Variants in SKI observed in about 807,000 individuals in gnomAD.
The protein encoded by SKI is SKI proto-oncogene, also known as ski oncogene.
In SKI, 23 loss-of-function variants were observed where a neutral mutation model predicts 59.3. The observed-to-expected ratio is 0.39, with a 90% CI of 0.28 to 0.55. The LOEUF (loss-of-function observed/expected upper bound fraction) is 0.55, where lower values mean the gene tolerates loss of function less well. Ranked by LOEUF, SKI falls within the 20% of genes least tolerant of loss-of-function variation. The probability of loss-of-function intolerance (pLI) is 0.67; values close to 1 mark genes in which losing one functional copy is unlikely to be tolerated. For missense variants in SKI, 1,017 were observed against 1,038.9 expected (o/e 0.98, Z 0.29); for synonymous variants, 673 against 488.6 (o/e 1.38, Z -4.98).
intron 1 of SKI, among the ~76,000 whole-genome samples, chr1:2,238,119 C>G (rs1046510687): frequency 6.6e-6 from 1 of 152,198 alleles, no homozygotes; most frequent in Non-Finnish European, 1.5e-5. Flanking sequence ...TTGGCTCCCT[C>G]CCTCACCAGC....
rs1640649398 is a variant in SKI at position 2,308,226 on chromosome 1, C to T, written c.*1461C>T. The T allele has an allele frequency of 6.6e-6, 1 of 152,202 alleles. No homozygotes were observed. Among genetic ancestry groups the T allele is most frequent in the Non-Finnish European group, 1.5e-5 (1 of 68,034 alleles). The allele number at this position is 152,202 out of a possible 1,614,324, so 9.4% of individuals were successfully genotyped here. ...CACCCGCGGCAGCTGCACGCGCTCA[C>T]AGAAGGTGGAGGTTACTTGCCCAGG... On this transcript the variant is annotated 3_prime_UTR_variant, in exon 7 of 7. Transcript: ENST00000378536.
At chr1:2,297,896 C>T (rs910817940) in intron 1 of SKI, among the ~76,000 whole-genome samples, 3 of 152,242 alleles carry the variant, frequency 2.0e-5, no homozygotes, top group African/African-American at 7.2e-5. Flanking sequence ...TGGCTGCAGC[C>T]TGGCAGGAGA....
Position 2,229,565 on chromosome 1 carries a change from C to T in SKI, c.799C>T (p.Leu267=), listed in dbSNP as rs140178396. The T allele has an allele frequency of 3.0e-4, 487 of 1,611,422 alleles. No homozygotes were observed. Among genetic ancestry groups the T allele is most frequent in the Non-Finnish European group, 4.0e-4 (472 of 1,179,956 alleles). The part of the protein sequence containing the change: ...HKFVVHSHKA[L]ENRTCHWGFD... ...GTTCGTGGTGCACTCGCACAAGGCC[C>T]TGGAGAACCGGACCTGCCACTGGGG... Residue 267 remains leucine, a synonymous_variant, in exon 1 of 7, where the codon CTG becomes TTG. Transcript: ENST00000378536. The surrounding 1 kb of genome is among the most constrained non-coding windows in gnomAD (Gnocchi z 6.3).
chr1:2,293,981 C>T (rs1640228043), intron 1 of SKI, among the ~76,000 whole-genome samples: 2 of 152,244 alleles, frequency 1.3e-5, no homozygotes, highest in South Asian at 4.1e-4. Flanking sequence ...TTTCATTCTC[C>T]TTTCATCTGT....
intron 1 of SKI, among the ~76,000 whole-genome samples, chr1:2,276,981 ACAG>A (rs1372647474): frequency 6.6e-6 from 1 of 152,110 alleles, no homozygotes; most frequent in African/African-American, 2.4e-5. Flanking sequence ...AGATTCCGAC[ACAG>A]CAGGGCCCTC....
intron 1 of SKI, among the ~76,000 whole-genome samples, chr1:2,294,700 T>C (rs1056808315): frequency 6.6e-6 from 1 of 152,216 alleles, no homozygotes; most frequent in South Asian, 2.1e-4. Context: ...GGGAGGCCTC[T>C]GGGGGCCTGG....
chr1:2,238,636 G>A (rs750426760), intron 1 of SKI, among the ~76,000 whole-genome samples: 1 of 152,338 alleles, frequency 6.6e-6, no homozygotes, highest in South Asian at 2.1e-4. Context: ...AGGCGGGAGA[G>A]GAGCACACTG....
Position 2,229,077 on chromosome 1 carries a change from T to C in SKI, c.311T>C (p.Val104Ala), listed in dbSNP as rs886039149. 2 of 1,608,298 alleles carry C rather than the reference T, an allele frequency of 1.2e-6. No homozygotes were observed. Among genetic ancestry groups the C allele is most frequent in the Non-Finnish European group, 1.7e-6 (2 of 1,179,784 alleles). ...CGCTCCACCGAGCGCTGCGAGACCGTACTGGAAGGCGAGACCATCTCGTGC... is the reference window on the plus strand; with the variant it reads ...CGCTCCACCGAGCGCTGCGAGACCGCACTGGAAGGCGAGACCATCTCGTGC... ...SDRSTERCETVLEGETISCFV... is the reference protein window; with the variant it reads ...SDRSTERCETALEGETISCFV... Residue 104 changes from valine to alanine, a missense_variant, in exon 1 of 7, where the codon GTA becomes GCA. Val to Ala is a moderately conservative substitution (Grantham distance 64). Coordinates refer to ENST00000378536, the MANE Select transcript of SKI (RefSeq NM_003036.4). The surrounding 1 kb of genome is among the most constrained non-coding windows in gnomAD (Gnocchi z 6.3).
rs745879130 is a variant in SKI, at chr1:2,270,607, C to T, written c.970-32371C>T. Reference sequence around the variant, plus strand: ...AGGAGGCCGCACTCCCCGTGCCTCCCGGGCAGACACCTCACGGCCTTTCTC... The same window carrying T: ...AGGAGGCCGCACTCCCCGTGCCTCCTGGGCAGACACCTCACGGCCTTTCTC... On this transcript the variant is annotated intron_variant, in intron 1 of 6. Transcript: ENST00000378536. The surrounding 1 kb of genome is among the most constrained non-coding windows in gnomAD (Gnocchi z 4.1). Among the ~76,000 whole-genome samples the T allele has an allele frequency of 1.4e-4, 22 of 152,080 alleles. No individual in the cohort carries two copies. Among genetic ancestry groups the T allele is most frequent in the Non-Finnish European group, 2.9e-4 (20 of 67,902 alleles).
chr1:2,306,660 C>T lies in SKI; in HGVS notation c.2082C>T (p.Ala694=), dbSNP rs1254387604. 9 of 1,545,040 alleles carry T rather than the reference C, an allele frequency of 5.8e-6. No individual in the cohort carries two copies. The South Asian group carries it at 7.2e-5, about 12-fold the overall frequency. ...CCGACCTGCTGCGGGAGCGCGAGGC[C>T]CGGGAGCACCTGGAGAAGGTGGTGA... ...LRADLLRERE[A]REHLEKVVKE... is the part of the protein sequence containing the mutation. Residue 694 remains alanine, a synonymous_variant, in exon 7 of 7, where the codon GCC becomes GCT. Coordinates refer to ENST00000378536, the MANE Select transcript of SKI (RefSeq NM_003036.4).
At chr1:2,266,485 G>T (rs909725758) in intron 1 of SKI, among the ~76,000 whole-genome samples, 5 of 152,164 alleles carry the variant, frequency 3.3e-5, no homozygotes, top group African/African-American at 1.2e-4. Context: ...CCATGGCTGG[G>T]AACTCTCGGG....
At chr1:2,230,907 C>T (rs1195803737) in intron 1 of SKI, among the ~76,000 whole-genome samples, 1 of 151,946 alleles carries the variant, frequency 6.6e-6, no homozygotes, top group Non-Finnish European at 1.5e-5. Flanking sequence ...GGAGGAGGGG[C>T]TGTGGATGGA....
At chr1:2,249,725 T>C (rs761028884) in intron 1 of SKI, among the ~76,000 whole-genome samples, 13 of 152,316 alleles carry the variant, frequency 8.5e-5, no homozygotes, top group Non-Finnish European at 1.5e-4. Context: ...CGCGGCCTCA[T>C]GGGGCCTCCC....
chr1:2,295,712 T>C (rs1039433208), intron 1 of SKI, among the ~76,000 whole-genome samples: 2 of 68,216 alleles, frequency 2.9e-5, no homozygotes, highest in African/African-American at 8.8e-5. Flanking sequence ...CCGGGCCACG[T>C]GTGGCTATGT....
intron 1 of SKI, among the ~76,000 whole-genome samples, chr1:2,301,030 C>T (rs879387639): frequency 2.6e-5 from 4 of 152,210 alleles, no homozygotes; most frequent in Admixed American, 1.3e-4. Context: ...CTGAGTCTCC[C>T]GGAGTCAGCG....
At position 2,228,396 on chromosome 1, in the gene SKI, C is replaced by A. The variant is rs1638549387; in HGVS notation, c.-371C>A. ...CGCCGGCACCTGCCCGCGCGCCCCC[C>A]GCGAGCCCCGGGCCCGCGAGCGTTG... is the stretch of plus-strand genomic sequence containing the variant. On this transcript the variant is annotated 5_prime_UTR_variant, in exon 1 of 7. Transcript: ENST00000378536. Among the ~76,000 whole-genome samples the A allele has an allele frequency of 7.0e-6, 1 of 142,262 alleles. No homozygotes were observed. Among genetic ancestry groups the A allele is most frequent in the Admixed American group, 6.9e-5 (1 of 14,502 alleles). 93.3% of individuals were successfully genotyped at this position (142,262 alleles called of 152,430 possible).
At chr1:2,260,535 C>CTTTTTTTTTTTTTTTTTTTTTTT (rs3065260) in intron 1 of SKI, among the ~76,000 whole-genome samples, 7 of 67,820 alleles carry the variant, frequency 1.0e-4, no homozygotes, top group Admixed American at 4.5e-4. Context: ...TGTTCTTTTT[C>CTTTTTTTTTTTTTTTTTTTTTTT]TTTTTTTTTT....
At chr1:2,295,362 CTG>C (rs1410342458) in intron 1 of SKI, among the ~76,000 whole-genome samples, 1 of 152,252 alleles carries the variant, frequency 6.6e-6, no homozygotes, top group Non-Finnish European at 1.5e-5. Flanking sequence ...CAAGAATTCA[CTG>C]TCATATTTTT....
intron 1 of SKI, among the ~76,000 whole-genome samples, chr1:2,278,906 C>T (rs1016671036): frequency 5.3e-5 from 8 of 152,182 alleles, no homozygotes; most frequent in African/African-American, 7.2e-5. Context: ...CGAGTGCTTG[C>T]GCACCCCCCC....
Sources: gnomAD v4.1 joint callset for allele counts (sites outside exome capture counted in the v4.1 genomes callset) on GRCh38, gnomAD v4.1.1 for gene constraint, Gnocchi (gnomAD v3.1) non-coding constraint, MANE v1.5 for transcripts, NCBI Gene and HGNC (gene_info 2026-07-23, HGNC 2026-07-21) for gene names.